PTPRD: variants seen among roughly 807,000 people sequenced by gnomAD.
PTPRD encodes the protein protein tyrosine phosphatase receptor type D.
PTPRD carries 34 observed loss-of-function variants against 214.5 expected under a neutral mutation model. The ratio of observed to expected loss-of-function variants is 0.16; its 90% CI spans 0.12 to 0.21. The LOEUF is 0.21. PTPRD is among the 10% of genes least tolerant of loss of function. The pLI, the probability that PTPRD is intolerant of heterozygous loss-of-function variation, is 1.00. For missense variants in PTPRD, 2,545 were observed against 2,398.7 expected (o/e 1.06, Z -1.27); for synonymous variants, 1,128 against 845.7 (o/e 1.33, Z -5.79).
At chr9:8,333,167 A>G (rs1234048104) in intron 43 of PTPRD, among the ~76,000 whole-genome samples, 3 of 152,196 alleles carry the variant, frequency 2.0e-5, no homozygotes, top group Non-Finnish European at 4.4e-5. Context: ...ATTTGGCCCC[A>G]TAAGTACTTT....
chr9:9,641,529 C>T (rs776778266), intron 7 of PTPRD, among the ~76,000 whole-genome samples: 38 of 152,216 alleles, frequency 2.5e-4, no homozygotes, highest in African/African-American at 7.9e-4. Context: ...GGCCAGATCT[C>T]ACTGACACAG....
At chr9:9,848,691 A>T (rs189834315) in intron 5 of PTPRD, among the ~76,000 whole-genome samples, 1 of 152,102 alleles carries the variant, frequency 6.6e-6, no homozygotes, top group Non-Finnish European at 1.5e-5. Context: ...TATCACACAA[A>T]ATAGATAAAT....
intron 2 of PTPRD, among the ~76,000 whole-genome samples, chr9:10,453,124 C>T (rs1206298830): frequency 1.3e-5 from 2 of 151,380 alleles, no homozygotes; most frequent in African/African-American, 4.8e-5. Context: ...GGATTAGTTG[C>T]CCATATATAG....
rs544707312 is a variant in PTPRD, at chr9:9,920,049, T to G, written c.-368+18458A>C. Among the ~76,000 whole-genome samples the G allele has an allele frequency of 5.3e-5, 8 of 152,212 alleles. No individual in the cohort carries two copies. In the South Asian group the frequency reaches 1.7e-3, roughly 32 times the overall value. ...GTTACAATAAACGGGATTTAACCCATAAGCAGCAATGTTAGCAATTTTCAA... is the reference window on the plus strand; with the variant it reads ...GTTACAATAAACGGGATTTAACCCAGAAGCAGCAATGTTAGCAATTTTCAA... On this transcript the variant is annotated intron_variant, in intron 5 of 45. Coordinates refer to ENST00000381196, the MANE Select transcript of PTPRD (RefSeq NM_002839.4).
chr9:8,942,682 A>T (rs755917305), intron 11 of PTPRD, among the ~76,000 whole-genome samples: 33 of 152,248 alleles, frequency 2.2e-4, no homozygotes, highest in South Asian at 1.2e-3. Context: ...GAAAGGGAAG[A>T]AAAAAACATC....
chr9:10,552,565 T>C (rs1298321335), intron 2 of PTPRD, among the ~76,000 whole-genome samples: 2 of 152,180 alleles, frequency 1.3e-5, no homozygotes, highest in Non-Finnish European at 2.9e-5. Context: ...TAGAATCCCA[T>C]AATGCATCAC....
At chr9:9,599,246 C>A (rs566698865) in intron 7 of PTPRD, among the ~76,000 whole-genome samples, 25 of 152,136 alleles carry the variant, frequency 1.6e-4, no homozygotes, top group Admixed American at 1.2e-3. Flanking sequence ...ATGATAATGT[C>A]ATAAATTAGT....
chr9:10,150,576 T>A lies in PTPRD; in HGVS notation c.-544-116786A>T, dbSNP rs566012350. 2.0e-5 allele frequency among the ~76,000 whole-genome samples: 3 copies of A among 151,848 alleles called. No homozygotes were observed. In the South Asian group the frequency reaches 6.3e-4, roughly 32 times the overall value. On this transcript the variant is annotated intron_variant, in intron 3 of 45. Transcript: ENST00000381196. ...ACCTAATGTAACTGACCAGTTAATGTGCAGCACACCAGCACAGCACATGTA... is the reference window on the plus strand; with the variant it reads ...ACCTAATGTAACTGACCAGTTAATGAGCAGCACACCAGCACAGCACATGTA...
intron 10 of PTPRD, among the ~76,000 whole-genome samples, chr9:9,116,097 T>A (rs948216639): frequency 3.3e-5 from 5 of 152,048 alleles, no homozygotes; most frequent in African/African-American, 1.2e-4. Context: ...AAAAATGACC[T>A]ATTGGGTACT....
chr9:10,611,669 C>T (rs1302768759), intron 2 of PTPRD, among the ~76,000 whole-genome samples: 1 of 152,166 alleles, frequency 6.6e-6, no homozygotes, highest in African/African-American at 2.4e-5. Flanking sequence ...TTAAACCTGT[C>T]ACTGGCTGCT....
At chr9:10,399,039 T>C (rs2098225461) in intron 2 of PTPRD, among the ~76,000 whole-genome samples, 1 of 151,878 alleles carries the variant, frequency 6.6e-6, no homozygotes, top group African/African-American at 2.4e-5. Context: ...TTCTGTAGGG[T>C]CTCATTCAGA....
chr9:9,758,265 C>G (rs2098608417), intron 6 of PTPRD, among the ~76,000 whole-genome samples: 1 of 151,136 alleles, frequency 6.6e-6, no homozygotes, highest in Non-Finnish European at 1.5e-5. Flanking sequence ...TCTCTTACTT[C>G]CATTCGCTTG....
intron 39 of PTPRD, among the ~76,000 whole-genome samples, chr9:8,367,233 T>G (rs184331277): frequency 5.8e-4 from 89 of 152,314 alleles, no homozygotes; most frequent in African/African-American, 2.1e-3. Flanking sequence ...TAAGCATTTT[T>G]TTTTTAAGTT....
rs1411970255 is a variant in PTPRD at position 8,662,175 on chromosome 9, C to A, written c.65-25331G>T. Among the ~76,000 whole-genome samples, 6 of 152,082 alleles carry A rather than the reference C, an allele frequency of 3.9e-5. No individual in the cohort carries two copies. The East Asian group carries it at 1.2e-3, about 29-fold the overall frequency. ...TGTATTTTACATAAGTGAGAGACAA[C>A]CAAGTCACAACTGCATGTTTAATTA... On this transcript the variant is annotated intron_variant, in intron 12 of 45. Transcript: ENST00000381196.
chr9:9,457,106 G>C (rs926680904), intron 8 of PTPRD, among the ~76,000 whole-genome samples: 1 of 151,916 alleles, frequency 6.6e-6, no homozygotes, highest in Non-Finnish European at 1.5e-5. Flanking sequence ...CAATAGGGTA[G>C]TGAGTAAGTG....
At chr9:10,275,924 C>T (rs1359096) in intron 3 of PTPRD, among the ~76,000 whole-genome samples, 74,180 of 151,932 alleles carry the variant, frequency 0.49, 19,049 homozygotes, top group East Asian at 0.73. Flanking sequence ...GCCAGTGTAA[C>T]TTGGGATAAT....
intron 5 of PTPRD, among the ~76,000 whole-genome samples, chr9:9,867,930 A>G (rs2153705197): frequency 6.6e-6 from 1 of 152,292 alleles, no homozygotes; most frequent in South Asian, 2.1e-4. Flanking sequence ...GCCAAACATG[A>G]GTAAGACTGT....
chr9:9,908,460 G>A (rs2078239328), intron 5 of PTPRD, among the ~76,000 whole-genome samples: 1 of 151,976 alleles, frequency 6.6e-6, no homozygotes, highest in Non-Finnish European at 1.5e-5. Flanking sequence ...TTCACTGTAG[G>A]ACTCAAAGGA....
chr9:9,929,741 G>A (rs568662498), intron 5 of PTPRD, among the ~76,000 whole-genome samples: 3 of 152,150 alleles, frequency 2.0e-5, no homozygotes, highest in Non-Finnish European at 4.4e-5. Flanking sequence ...CCTGGATAAG[G>A]TTGATTTAAT....
Sources: allele counts gnomAD v4.1 joint callset (sites outside exome capture counted in the v4.1 genomes callset), GRCh38; gene constraint gnomAD v4.1.1; transcripts MANE v1.5; gene names NCBI Gene and HGNC (gene_info 2026-07-23, HGNC 2026-07-21).